The following SEC22C variants were observed in gnomAD, a reference collection of about 807,000 sequenced individuals.
The protein encoded by SEC22C is vesicle-trafficking protein SEC22c.
In SEC22C, 29 loss-of-function variants were observed where a neutral mutation model predicts 34.7. That is an observed-to-expected ratio of 0.84 (90% confidence interval 0.62 to 1.14). The LOEUF (loss-of-function observed/expected upper bound fraction) is 1.14. SEC22C is among the 50% of genes most tolerant of loss of function. SEC22C has a pLI of 0.00. For synonymous variants in SEC22C, 117 were observed against 132.8 expected, an observed-to-expected ratio of 0.88 and a Z score of 0.82; for missense variants, 337 against 369.0, an observed-to-expected ratio of 0.91 and a Z score of 0.71.
At chr3:42,595,356 T>C (rs1257404501) in intron 1 of SEC22C, among the ~76,000 whole-genome samples, 1 of 152,240 alleles carries the variant, frequency 6.6e-6, no homozygotes, top group Non-Finnish European at 1.5e-5. Flanking sequence ...CTACATACAG[T>C]TGTATCTCTG....
chr3:42,551,720 A>T lies in SEC22C; in HGVS notation c.*1528T>A, dbSNP rs527562784. The T allele has an allele frequency of 3.4e-5, 33 of 963,446 alleles. No homozygotes were observed. The Admixed American group carries it at 3.7e-4, about 11-fold the overall frequency. 59.7% of individuals were successfully genotyped at this position (963,446 alleles called of 1,614,324 possible). ...GTTACTATGGCAACATTTTCCCAAC[A>T]TAGTTCCCAGTATATAAACTTATTT... On this transcript the variant is annotated 3_prime_UTR_variant, in exon 7 of 7. Coordinates refer to ENST00000264454, the MANE Select transcript of SEC22C (RefSeq NM_032970.4).
chr3:42,551,587 T>G lies in SEC22C; in HGVS notation c.*1661A>C. 1 of 699,346 alleles carries G rather than the reference T, an allele frequency of 1.4e-6. No homozygotes were observed. 43.3% of individuals were successfully genotyped at this position (699,346 alleles called of 1,614,324 possible). ...TACTGGCCTCAACCGAGTCTCCTGCTTTGGCCTTCCAAAGTGCTGGGAATA... is the reference window on the plus strand; with the variant it reads ...TACTGGCCTCAACCGAGTCTCCTGCGTTGGCCTTCCAAAGTGCTGGGAATA... On this transcript the variant is annotated 3_prime_UTR_variant, in exon 7 of 7. Coordinates refer to ENST00000264454, the MANE Select transcript of SEC22C (RefSeq NM_032970.4).
intron 1 of SEC22C, among the ~76,000 whole-genome samples, chr3:42,598,582 GCCTC>G (rs1705110655): frequency 6.6e-6 from 1 of 152,008 alleles, no homozygotes; most frequent in South Asian, 2.1e-4. Flanking sequence ...ACCCGCCTCA[GCCTC>G]CCAGAGTGCA....
intron 1 of SEC22C, among the ~76,000 whole-genome samples, chr3:42,592,949 A>G (rs1704902709): frequency 6.6e-6 from 1 of 152,202 alleles, no homozygotes; most frequent in Admixed American, 6.5e-5. Context: ...TTATAAGTAC[A>G]GTTGGTCCTC....
chr3:42,554,354 C>T (rs1702401129), intron 6 of SEC22C, among the ~76,000 whole-genome samples: 1 of 152,032 alleles, frequency 6.6e-6, no homozygotes, highest in Admixed American at 6.6e-5. Context: ...AATGCTTTTT[C>T]ATTTTTTTTA....
At chr3:42,581,206 C>T (rs574788650) in intron 1 of SEC22C, 2 of 152,242 alleles carry the variant, frequency 1.3e-5, no homozygotes, top group Middle Eastern at 3.4e-3. Flanking sequence ...TTAAATATTA[C>T]CCTATATGTT....
At chr3:42,589,846 C>G (rs143611243) in intron 1 of SEC22C, among the ~76,000 whole-genome samples, 3 of 152,300 alleles carry the variant, frequency 2.0e-5, no homozygotes, top group Non-Finnish European at 4.4e-5. Flanking sequence ...AGACTACAAC[C>G]AATTCAGTTG....
chr3:42,548,773 A>G lies in SEC22C; in HGVS notation c.*4475T>C. ...TTTTGGAGTGAAAAAAATGAGGTTT[A>G]CACTGTAGTATAACAAAATGCCTTT... is the stretch of plus-strand genomic sequence containing the variant. On this transcript the variant is annotated 3_prime_UTR_variant, in exon 7 of 7. Coordinates refer to ENST00000264454, the MANE Select transcript of SEC22C (RefSeq NM_032970.4). The G allele has an allele frequency of 6.4e-7, 1 of 1,558,404 alleles. No individual in the cohort carries two copies.
At chr3:42,554,587 A>C (rs1358219701) in intron 6 of SEC22C, among the ~76,000 whole-genome samples, 1 of 152,156 alleles carries the variant, frequency 6.6e-6, no homozygotes, top group East Asian at 1.9e-4. Flanking sequence ...TGATCCACAC[A>C]TCTTGGCCTC....
chr3:42,556,784 C>T (rs950835415), intron 5 of SEC22C, among the ~76,000 whole-genome samples: 11 of 152,124 alleles, frequency 7.2e-5, no homozygotes, highest in Admixed American at 2.0e-4. Context: ...AGTGCAGTGG[C>T]GCAATTTTGG....
rs1022724729 is a variant in SEC22C, at chr3:42,591,901, A to G, written c.-28+9059T>C. On this transcript the variant is annotated intron_variant, in intron 1 of 6. Transcript: ENST00000417572. ...AGGGATGGGGGTGAGAGCACACAGA[A>G]AACTAAGCTCAGGAGATTAGAGCCA... Among the ~76,000 whole-genome samples, 23 of 152,308 alleles carry G rather than the reference A, an allele frequency of 1.5e-4. 1 individual carries two copies. Among genetic ancestry groups the G allele is most frequent in the African/African-American group, 5.1e-4 (21 of 41,576 alleles).
chr3:42,583,855 G>A (rs774661000), upstream of SEC22C, among the ~76,000 whole-genome samples: 6 of 152,158 alleles, frequency 3.9e-5, no homozygotes, highest in Admixed American at 1.3e-4. Context: ...AGTAGAGTCC[G>A]TCCATTTATT....
intron 1 of SEC22C, among the ~76,000 whole-genome samples, chr3:42,600,065 T>C (rs1307909311): frequency 1.3e-5 from 2 of 152,196 alleles, no homozygotes; most frequent in African/African-American, 4.8e-5. Context: ...CATACATATA[T>C]CTAACAAAAC....
chr3:42,600,291 G>GA (rs1559541265), intron 1 of SEC22C: 2 of 152,218 alleles, frequency 1.3e-5, no homozygotes, highest in African/African-American at 4.8e-5. Flanking sequence ...AAAGAACACA[G>GA]AGCAACACAA....
intron 6 of SEC22C, among the ~76,000 whole-genome samples, chr3:42,555,302 G>A (rs1211435205): frequency 6.6e-6 from 1 of 151,376 alleles, no homozygotes; most frequent in Non-Finnish European, 1.5e-5. Context: ...AGCCAAGATT[G>A]TGCCACTGCA....
intron 6 of SEC22C, among the ~76,000 whole-genome samples, chr3:42,554,204 G>A (rs1007391435): frequency 1.3e-5 from 2 of 152,130 alleles, no homozygotes; most frequent in Non-Finnish European, 2.9e-5. Context: ...GAAGGAATGA[G>A]GTGGAACTGT....
At position 42,551,745 on chromosome 3, in the gene SEC22C, TTTC is replaced by T; in HGVS notation, c.*1500_*1502del. ...ATAGTTCCCAGTATATAAACTTATT[TTTC>T]TTAAAATGATAACAAGGTAGCTCAA... On this transcript the variant is annotated 3_prime_UTR_variant, in exon 7 of 7. Coordinates refer to ENST00000264454, the MANE Select transcript of SEC22C (RefSeq NM_032970.4). 1 of 967,550 alleles carries T rather than the reference TTTC, an allele frequency of 1.0e-6. No homozygotes were observed. The highest frequency in any genetic ancestry group is 1.2e-6 in the Non-Finnish European group (1 of 813,660). 59.9% of individuals were successfully genotyped at this position (967,550 alleles called of 1,614,324 possible). A position where few individuals can be genotyped will look rare whatever the true frequency, so the allele number is the denominator to read the frequency against.
chr3:42,576,289 CAAGAAA>C (rs1703957575), intron 1 of SEC22C, among the ~76,000 whole-genome samples: 1 of 151,472 alleles, frequency 6.6e-6, no homozygotes, highest in Admixed American at 6.6e-5. Flanking sequence ...GCTCACAAGT[CAAGAAA>C]TTAGAAGAAG....
At position 42,568,917 on chromosome 3, in the gene SEC22C, G is replaced by C. The variant is rs761460423; in HGVS notation, c.130C>G (p.Leu44Val). ...RRRLKSLALR[L>V]AQYPGRGSAE... The stretch of plus-strand genomic sequence containing the variant: ...GAACCTCGACCTGGATACTGGGCCA[G>C]TCGCAAGGCTAAACTCTTGAGCCGT... Residue 44 changes from leucine (L) to valine (V), a missense_variant, in exon 2 of 7, where the codon CTG becomes GTG. Coordinates refer to ENST00000264454, the MANE Select transcript of SEC22C (RefSeq NM_032970.4). The C allele has an allele frequency of 6.2e-7, 1 of 1,614,186 alleles. No individual in the cohort carries two copies. Among genetic ancestry groups the C allele is most frequent in the Non-Finnish European group, 8.5e-7 (1 of 1,180,028 alleles).
Sources: allele counts gnomAD v4.1 joint callset (sites outside exome capture counted in the v4.1 genomes callset), GRCh38; gene constraint gnomAD v4.1.1; transcripts MANE v1.5; gene names NCBI Gene and HGNC (gene_info 2026-07-23, HGNC 2026-07-21).